Variants in YWHAE observed in about 807,000 individuals in gnomAD.
YWHAE encodes the protein tyrosine 3-monooxygenase/tryptophan 5-monooxygenase activation protein epsilon, also known as 14-3-3 protein epsilon.
In YWHAE, 4 loss-of-function variants were observed where a neutral mutation model predicts 30.1. The ratio of observed to expected loss-of-function variants is 0.13; its 90% CI spans 0.07 to 0.30. The LOEUF (loss-of-function observed/expected upper bound fraction) is 0.30, where lower values mean the gene tolerates loss of function less well. Among genes scored for constraint, YWHAE ranks in the 10% least tolerant of loss-of-function variants. YWHAE has a pLI of 1.00. For missense variants in YWHAE, 121 were observed against 315.9 expected (o/e 0.38, Z 4.68); for synonymous variants, 118 against 111.8 (o/e 1.06, Z -0.35).
intron 1 of YWHAE, among the ~76,000 whole-genome samples, chr17:1,374,807 C>A (rs1003541908): frequency 1.3e-5 from 2 of 152,134 alleles, no homozygotes; most frequent in African/African-American, 2.4e-5. Flanking sequence ...AGGAGTTGTT[C>A]ATTTTTAAAA....
chr17:1,363,036 C>G (rs1473420140), intron 2 of YWHAE, among the ~76,000 whole-genome samples: 3 of 152,120 alleles, frequency 2.0e-5, no homozygotes, highest in Non-Finnish European at 4.4e-5. Flanking sequence ...CAAACCCACC[C>G]AATACCTGAG....
intron 4 of YWHAE, among the ~76,000 whole-genome samples, chr17:1,357,470 C>A (rs1372494615): frequency 4.0e-5 from 6 of 150,954 alleles, no homozygotes; most frequent in Non-Finnish European, 8.8e-5. Flanking sequence ...GTACCAGCTA[C>A]TTGGGAGGCT....
intron 1 of YWHAE, among the ~76,000 whole-genome samples, chr17:1,380,773 T>G (rs1011622837): frequency 1.1e-4 from 16 of 152,172 alleles, no homozygotes; most frequent in African/African-American, 3.6e-4. Context: ...CATTCTTACA[T>G]CTCATATATT....
chr17:1,364,430 G>GTTA (rs1270848331), intron 2 of YWHAE, among the ~76,000 whole-genome samples: 2 of 152,076 alleles, frequency 1.3e-5, no homozygotes, highest in Non-Finnish European at 2.9e-5. Context: ...GTTTCACCAT[G>GTTA]TTAGCCAGGA....
chr17:1,373,358 C>T (rs1234459972), intron 1 of YWHAE, among the ~76,000 whole-genome samples: 1 of 151,868 alleles, frequency 6.6e-6, no homozygotes, highest in African/African-American at 2.4e-5. Flanking sequence ...AGATAACCAC[C>T]ATTAACATGT....
At chr17:1,396,210 G>A (rs375005120) in intron 1 of YWHAE, among the ~76,000 whole-genome samples, 1 of 150,098 alleles carries the variant, frequency 6.7e-6, no homozygotes, top group Non-Finnish European at 1.5e-5. Flanking sequence ...ACCTGAGGTC[G>A]GGAGTTCGAG....
chr17:1,364,243 T>TA (rs1357443454), intron 2 of YWHAE, among the ~76,000 whole-genome samples: 1 of 140,298 alleles, frequency 7.1e-6, no homozygotes, highest in African/African-American at 2.8e-5. Flanking sequence ...TTTTTTTTTT[T>TA]AGATGGAGTC....
At chr17:1,375,194 C>T (rs1227830577) in intron 1 of YWHAE, among the ~76,000 whole-genome samples, 1 of 152,160 alleles carries the variant, frequency 6.6e-6, no homozygotes, top group African/African-American at 2.4e-5. Context: ...CACTCTCTTC[C>T]AATATCACTG....
At chr17:1,383,140 C>A (rs1449504206) in intron 1 of YWHAE, among the ~76,000 whole-genome samples, 1 of 151,670 alleles carries the variant, frequency 6.6e-6, no homozygotes, top group African/African-American at 2.4e-5. Flanking sequence ...CACCTGAGGT[C>A]GAGAGTTCGA....
rs865845998 is a variant in YWHAE at position 1,368,569 on chromosome 17, A to C, written c.65-3511T>G. ...ACAGAGTGAGACTCTGTCTCAAAAA[A>C]AAAAAAAAAAAAGTATTACAATATG... On this transcript the variant is annotated intron_variant, in intron 1 of 5. Transcript: ENST00000264335. 3.5e-3 allele frequency among the ~76,000 whole-genome samples: 533 copies of C among 151,762 alleles called. 1 individual carries two copies. Among genetic ancestry groups the C allele is most frequent in the Middle Eastern group, 0.01 (3 of 292 alleles).
In YWHAE at chr17:1,356,171, AACAC is replaced by A. The variant is rs71148473; in HGVS notation, c.579-1828_579-1825del. Among the ~76,000 whole-genome samples the A allele has an allele frequency of 8.8e-3, 1,259 of 143,064 alleles. 13 individuals carry two copies. Among genetic ancestry groups the A allele is most frequent in the African/African-American group, 0.02 (795 of 39,188 alleles). 93.9% of individuals were successfully genotyped at this position (143,064 alleles called of 152,430 possible). The stretch of plus-strand genomic sequence containing the variant: ...GCAACAGAGCAAGACTCCGTCTAAA[AACAC>A]ACACACACACACACACACACACACA... On this transcript the variant is annotated intron_variant, in intron 4 of 5. Coordinates refer to ENST00000264335, the MANE Select transcript of YWHAE (RefSeq NM_006761.5).
rs115118814 is a variant in YWHAE, at chr17:1,376,431, T to A, written c.65-11373A>T. Among the ~76,000 whole-genome samples, 951 of 151,812 alleles carry A rather than the reference T, an allele frequency of 6.3e-3. 13 individuals are homozygous for A. Among genetic ancestry groups the A allele is most frequent in the African/African-American group, 0.022 (908 of 41,486 alleles). ...AAGAAAAGAAAAGAAGGAAAGAAGTTCACTCCTGCTTAAAACGCATTTCTT... is the reference window on the plus strand; with the variant it reads ...AAGAAAAGAAAAGAAGGAAAGAAGTACACTCCTGCTTAAAACGCATTTCTT... On this transcript the variant is annotated intron_variant, in intron 1 of 5. Coordinates refer to ENST00000264335, the MANE Select transcript of YWHAE (RefSeq NM_006761.5).
chr17:1,393,616 A>T (rs2073421588), intron 1 of YWHAE, among the ~76,000 whole-genome samples: 4 of 152,142 alleles, frequency 2.6e-5, no homozygotes, highest in Admixed American at 2.6e-4. Context: ...TTTTTAGTAG[A>T]GACTGGTTTT....
chr17:1,399,066 T>C (rs936793414), intron 1 of YWHAE: 4 of 152,152 alleles, frequency 2.6e-5, no homozygotes, highest in South Asian at 2.1e-4. Context: ...GAAATAACTT[T>C]ATTTCAACAG....
Position 1,381,687 on chromosome 17 carries a change from G to A in YWHAE, c.65-16629C>T, listed in dbSNP as rs574946443. 4.7e-4 allele frequency among the ~76,000 whole-genome samples: 72 copies of A among 152,108 alleles called. 1 individual carries two copies. In the South Asian group the frequency reaches 0.013, roughly 29 times the overall value. On this transcript the variant is annotated intron_variant, in intron 1 of 5. Coordinates refer to ENST00000264335, the MANE Select transcript of YWHAE (RefSeq NM_006761.5). ...TCCCAGCACTTTGGGAGGCCAACGC[G>A]GGTGGATCGCTTCAACTCAGGAGTT...
At chr17:1,396,146 G>A (rs1411264220) in intron 1 of YWHAE, among the ~76,000 whole-genome samples, 7 of 151,066 alleles carry the variant, frequency 4.6e-5, no homozygotes, top group Non-Finnish European at 7.4e-5. Flanking sequence ...TTGACCAGGC[G>A]CGGTGGCTCA....
chr17:1,350,850 G>C (rs905975779), intron 5 of YWHAE, among the ~76,000 whole-genome samples: 2 of 151,626 alleles, frequency 1.3e-5, no homozygotes, highest in Admixed American at 6.6e-5. Context: ...ACGAGGTCAG[G>C]AGTTAGAGAC....
chr17:1,352,376 G>GA (rs2072649154), intron 5 of YWHAE: 1 of 152,044 alleles, frequency 6.6e-6, no homozygotes, highest in East Asian at 1.9e-4. Context: ...TCCTTCCAGA[G>GA]AAAAGACACA....
intron 1 of YWHAE, 100 bp downstream of exon 1, chr17:1,399,947 G>C: frequency 2.0e-6 from 3 of 1,464,056 alleles, no homozygotes; most frequent in African/African-American, 1.4e-5. Flanking sequence ...CCCGGGCCAG[G>C]CTCGCAGACG....
Sources: allele counts gnomAD v4.1 joint callset (sites outside exome capture counted in the v4.1 genomes callset), GRCh38; gene constraint gnomAD v4.1.1; transcripts MANE v1.5; gene names NCBI Gene and HGNC (gene_info 2026-07-23, HGNC 2026-07-21).